The following DEFB115 variants were observed in gnomAD, a reference collection of about 807,000 sequenced individuals.
DEFB115 encodes beta-defensin 115.
A neutral mutation model predicts 8.8 loss-of-function variants in DEFB115; 7 were observed. The observed-to-expected ratio is 0.79, with a 90% confidence interval of 0.45 to 1.49. The LOEUF is 1.49. Among genes scored for constraint, DEFB115 ranks in the 40% most tolerant of loss-of-function variants. DEFB115 has a pLI of 0.01. For missense variants in DEFB115, 143 were observed against 99.4 expected, an observed-to-expected ratio of 1.44 and a Z score of -1.86; for synonymous variants, 62 against 37.6, an observed-to-expected ratio of 1.65 and a Z score of -2.37.
chr20:31,259,194 T>C (rs1405021318), intron 1 of DEFB115, among the ~76,000 whole-genome samples: 1 of 152,096 alleles, frequency 6.6e-6, no homozygotes, highest in Non-Finnish European at 1.5e-5. Flanking sequence ...AGAGAGGAAG[T>C]AGAACCAGAT....
intron 1 of DEFB115, 39 bp downstream of exon 1, chr20:31,257,796 G>C (rs1273509945): frequency 6.5e-7 from 1 of 1,548,180 alleles, no homozygotes; most frequent in East Asian, 2.2e-5. Context: ...AGGGAGTAAG[G>C]ATGGGGTCCT....
chr20:31,258,056 C>A (rs551009187), intron 1 of DEFB115, among the ~76,000 whole-genome samples: 1 of 152,130 alleles, frequency 6.6e-6, no homozygotes, highest in African/African-American at 2.4e-5. Flanking sequence ...GCCTCTGGCC[C>A]ATATGTCAAC....
At position 31,259,476 on chromosome 20, in the gene DEFB115, G is replaced by T; in HGVS notation, c.111G>T (p.Arg37Ser). 1 of 1,610,506 alleles carries T rather than the reference G, an allele frequency of 6.2e-7. No homozygotes were observed. The highest frequency in any genetic ancestry group is 8.5e-7 in the Non-Finnish European group (1 of 1,178,720). The change falls in exon 2 of 2, where the codon AGG becomes AGT. Residue 37 changes from arginine (R) to serine (S), a missense_variant. Transcript: ENST00000400552. ...TTTTGATAGATGGATGGATCAGAAG[G>T]TGCTATTATGGAACTGGCAGATGCA... is the stretch of plus-strand genomic sequence containing the variant. The part of the protein sequence containing the change: ...AQTAPDGWIR[R>S]CYYGTGRCRK...
In DEFB115 at chr20:31,259,483, T is replaced by C. The variant is rs1435005294; in HGVS notation, c.118T>C (p.Tyr40His). 6.2e-7 allele frequency: 1 copy of C among 1,612,114 alleles called. No individual in the cohort carries two copies. The highest frequency in any genetic ancestry group is 1.1e-5 in the South Asian group (1 of 90,586). The change falls in exon 2 of 2, where the codon TAT (tyrosine) becomes CAT (histidine). Residue 40 changes from tyrosine to histidine, a missense_variant. By Grantham distance (83) the Tyr-to-His change is moderately conservative. Coordinates refer to ENST00000400552, the MANE Select transcript of DEFB115 (RefSeq NM_001037730.1). ...APDGWIRRCY[Y>H]GTGRCRKSCK... ...AGATGGATGGATCAGAAGGTGCTATTATGGAACTGGCAGATGCAGGAAATC... is the reference window on the plus strand; with the variant it reads ...AGATGGATGGATCAGAAGGTGCTATCATGGAACTGGCAGATGCAGGAAATC...
intron 1 of DEFB115, among the ~76,000 whole-genome samples, chr20:31,258,428 A>G (rs1263815934): frequency 6.6e-6 from 1 of 152,138 alleles, no homozygotes; most frequent in Non-Finnish European, 1.5e-5. Context: ...CAGGGGCTCT[A>G]AAGTTGATGA....
At chr20:31,259,391 C>A in intron 1 of DEFB115, 69 bp from the exon 2 acceptor site, 1 of 1,422,918 alleles carries the variant, frequency 7.0e-7, no homozygotes, top group African/African-American at 1.5e-5. Flanking sequence ...CTATTACCAA[C>A]ATCCTTTCTT....
chr20:31,258,804 A>G (rs897614410), intron 1 of DEFB115, among the ~76,000 whole-genome samples: 2 of 152,188 alleles, frequency 1.3e-5, no homozygotes, highest in South Asian at 2.1e-4. Flanking sequence ...ACAAGTGGAA[A>G]GAATCTGTAG....
chr20:31,258,277 C>T (rs970860181), intron 1 of DEFB115, among the ~76,000 whole-genome samples: 43 of 152,172 alleles, frequency 2.8e-4, no homozygotes, highest in African/African-American at 1.0e-3. Context: ...TAAAAACAGG[C>T]TCACAGTATG....
At chr20:31,258,618 G>C (rs1568691478) in intron 1 of DEFB115, among the ~76,000 whole-genome samples, 2 of 152,172 alleles carry the variant, frequency 1.3e-5, no homozygotes, top group Non-Finnish European at 2.9e-5. Flanking sequence ...AGGGCAAGTA[G>C]AATAGAGGGA....
intron 1 of DEFB115, among the ~76,000 whole-genome samples, chr20:31,258,480 G>A (rs1298182195): frequency 6.6e-6 from 1 of 152,208 alleles, no homozygotes; most frequent in Non-Finnish European, 1.5e-5. Flanking sequence ...GCTGTTGGAA[G>A]TCACATCCTC....
rs777610962 is a variant in DEFB115, at chr20:31,257,675, T to A, written c.12T>A (p.Asp4Glu). 5 of 1,613,920 alleles carry A rather than the reference T, an allele frequency of 3.1e-6. No individual in the cohort carries two copies. Among genetic ancestry groups the A allele is most frequent in the Non-Finnish European group, 4.2e-6 (5 of 1,179,852 alleles). ...CCAGCACACTCAGAATGCTGCCAGATCATTTCTCACCCCTCTCAGGAGACA... is the reference window on the plus strand; with the variant it reads ...CCAGCACACTCAGAATGCTGCCAGAACATTTCTCACCCCTCTCAGGAGACA... MLP[D>E]HFSPLSGDIK... The change falls in exon 1 of 2, where the codon GAT becomes GAA. Residue 4 changes from aspartate (D) to glutamate (E), a missense_variant. Coordinates refer to ENST00000400552, the MANE Select transcript of DEFB115 (RefSeq NM_001037730.1).
At chr20:31,257,988 T>C (rs1983799966) in intron 1 of DEFB115, among the ~76,000 whole-genome samples, 1 of 152,236 alleles carries the variant, frequency 6.6e-6, no homozygotes, top group East Asian at 1.9e-4. Context: ...GCCAAGGTGT[T>C]TTATATGAAG....
chr20:31,259,185 G>C (rs1037502117), intron 1 of DEFB115, among the ~76,000 whole-genome samples: 8 of 152,160 alleles, frequency 5.3e-5, no homozygotes, highest in African/African-American at 1.7e-4. Flanking sequence ...TCTAGATTTA[G>C]AGAGGAAGTA....
chr20:31,259,322 T>A (rs1171603787), intron 1 of DEFB115, 138 bp from the exon 2 acceptor site: 21 of 861,592 alleles, frequency 2.4e-5, no homozygotes, highest in Non-Finnish European at 3.3e-5. Flanking sequence ...CACAAATTTA[T>A]AACATTCCCA....
At chr20:31,258,297 T>A (rs893670270) in intron 1 of DEFB115, among the ~76,000 whole-genome samples, 1 of 152,140 alleles carries the variant, frequency 6.6e-6, no homozygotes, top group Non-Finnish European at 1.5e-5. Context: ...GGAGCTGGGG[T>A]TACAGCAGAA....
At chr20:31,257,860 G>A (rs1001513599) in intron 1 of DEFB115, 103 bp downstream of exon 1, 2 of 1,026,694 alleles carry the variant, frequency 1.9e-6, no homozygotes, top group Non-Finnish European at 3.0e-6. Context: ...AGAGCCCACA[G>A]GGATGGCTGA....
At position 31,259,618 on chromosome 20, in the gene DEFB115, G is replaced by A; in HGVS notation, c.253G>A (p.Glu85Lys). The change falls in exon 2 of 2, where the codon GAG (glutamate) becomes AAG (lysine). Residue 85 changes from glutamate to lysine, a missense_variant. Glu to Lys is a moderately conservative substitution (Grantham distance 56, BLOSUM62 1). Coordinates refer to ENST00000400552, the MANE Select transcript of DEFB115 (RefSeq NM_001037730.1). ...SHIHDQKETSELYI is the reference protein window; with the variant it reads ...SHIHDQKETSKLYI ...CATTCACGACCAAAAAGAGACAAGT[G>A]AGCTATATATCTAGTTGCGACTCCT... The A allele has an allele frequency of 4.4e-6, 7 of 1,602,082 alleles. No individual in the cohort carries two copies. The highest frequency in any genetic ancestry group is 6.0e-6 in the Non-Finnish European group (7 of 1,175,368).
intron 1 of DEFB115, among the ~76,000 whole-genome samples, chr20:31,258,449 T>A (rs1983811772): frequency 1.3e-5 from 2 of 152,224 alleles, no homozygotes; most frequent in Admixed American, 1.3e-4. Flanking sequence ...TTTTTAATTC[T>A]GTGATTTCCT....
intron 1 of DEFB115, 121 bp from the exon 2 acceptor site, chr20:31,259,339 C>T (rs2122377228): frequency 2.0e-6 from 2 of 1,003,532 alleles, no homozygotes; most frequent in Non-Finnish European, 2.8e-6. Flanking sequence ...CCCATGAATG[C>T]CTTTAAGTGT....
Sources: allele counts gnomAD v4.1 joint callset (sites outside exome capture counted in the v4.1 genomes callset), GRCh38; gene constraint gnomAD v4.1.1; transcripts MANE v1.5; gene names NCBI Gene and HGNC (gene_info 2026-07-23, HGNC 2026-07-21).